Variants in SLC25A48 observed in about 807,000 individuals in gnomAD.
SLC25A48 encodes solute carrier family 25 member 48, also known as CTC-321K16.1.
In SLC25A48, 29 loss-of-function variants were observed where a neutral mutation model predicts 32.2. The observed-to-expected ratio is 0.90, with a 90% CI of 0.67 to 1.23. SLC25A48 has a LOEUF of 1.23. Ranked by LOEUF, SLC25A48 falls within the 50% of genes most tolerant of loss-of-function variation. The pLI is 0.00. For synonymous variants in SLC25A48, 164 were observed against 172.3 expected, an observed-to-expected ratio of 0.95 and a Z score of 0.38; for missense variants, 399 against 422.7, an observed-to-expected ratio of 0.94 and a Z score of 0.49.
intron 4 of SLC25A48, chr5:135,827,074 A>C (rs9986164): frequency 0.76 from 115,142 of 152,148 alleles, 44,001 homozygotes; most frequent in Middle Eastern, 0.86. Flanking sequence ...TCACCTGGTG[A>C]GTGGCTGAAT....
intron 4 of SLC25A48, among the ~76,000 whole-genome samples, chr5:135,862,067 G>A (rs1292593047): frequency 6.6e-6 from 1 of 152,148 alleles, no homozygotes; most frequent in Admixed American, 6.5e-5. Flanking sequence ...CTTTGCATGG[G>A]CATGAGCCTA....
At chr5:135,716,940 TACA>T (rs1383686044) in intron 3 of SLC25A48, among the ~76,000 whole-genome samples, 2 of 152,226 alleles carry the variant, frequency 1.3e-5, no homozygotes, top group Non-Finnish European at 2.9e-5. Context: ...AAAATTTTAA[TACA>T]ACAACAACAT....
At chr5:135,842,699 C>A (rs1439205381) in intron 2 of SLC25A48, among the ~76,000 whole-genome samples, 1 of 152,196 alleles carries the variant, frequency 6.6e-6, no homozygotes, top group Admixed American at 6.5e-5. Context: ...TGATGATGCA[C>A]ATGGGTGTGA....
intron 4 of SLC25A48, chr5:135,822,177 T>G (rs1211585839): frequency 6.6e-6 from 1 of 152,258 alleles, no homozygotes; most frequent in African/African-American, 2.4e-5. Flanking sequence ...AGAGTGAACC[T>G]TGGCCATGGC....
chr5:135,598,189 T>A (rs566697189), intron 1 of SLC25A48, among the ~76,000 whole-genome samples: 1 of 152,332 alleles, frequency 6.6e-6, no homozygotes, highest in Non-Finnish European at 1.5e-5. Flanking sequence ...TGTAGTTATG[T>A]TGGCTTTCCT....
At chr5:135,702,657 C>T (rs141432531) in intron 3 of SLC25A48, among the ~76,000 whole-genome samples, 35 of 152,380 alleles carry the variant, frequency 2.3e-4, no homozygotes, top group African/African-American at 8.2e-4. Flanking sequence ...GAGTCTGGAC[C>T]ATACCTGGTG....
At chr5:135,729,285 A>C (rs376675791) in intron 3 of SLC25A48, among the ~76,000 whole-genome samples, 14 of 152,184 alleles carry the variant, frequency 9.2e-5, no homozygotes, top group Admixed American at 9.2e-4. Context: ...AAGCTTGTTA[A>C]AATTCTTGAA....
rs553224515 is a variant in SLC25A48 at position 135,818,983 on chromosome 5, A to G, written c.-117+6057A>G. ...GTAGCAGAATGGTGATGTCAAGAGG[A>G]AAGAGTCTGTGAGCTTAAAGATAGA... On this transcript the variant is annotated intron_variant, in intron 4 of 10. Transcript: ENST00000646290. Among the ~76,000 whole-genome samples the G allele has an allele frequency of 6.6e-5, 10 of 152,292 alleles. No individual in the cohort carries two copies. In the East Asian group the frequency reaches 1.9e-3, roughly 29 times the overall value.
At chr5:135,837,957 G>T (rs756688690) in intron 1 of SLC25A48, among the ~76,000 whole-genome samples, 1 of 152,214 alleles carries the variant, frequency 6.6e-6, no homozygotes, top group Non-Finnish European at 1.5e-5. Flanking sequence ...ACAGGCAGAT[G>T]TTGGAACAGT....
intron 4 of SLC25A48, among the ~76,000 whole-genome samples, chr5:135,863,967 G>A (rs907399720): frequency 1.7e-4 from 26 of 152,320 alleles, no homozygotes; most frequent in South Asian, 4.1e-4. Flanking sequence ...CAAGTGGGAG[G>A]AAGTTGAGGG....
intron 3 of SLC25A48, among the ~76,000 whole-genome samples, chr5:135,750,973 G>T (rs1375702881): frequency 1.3e-5 from 2 of 152,202 alleles, no homozygotes; most frequent in Non-Finnish European, 2.9e-5. Flanking sequence ...GAACTGAGCT[G>T]AGCCACCTCA....
At chr5:135,589,861 AT>A (rs1751469367) in intron 1 of SLC25A48, among the ~76,000 whole-genome samples, 2 of 151,838 alleles carry the variant, frequency 1.3e-5, no homozygotes. Flanking sequence ...TACCCAGGTA[AT>A]TTTTTGTATT....
intron 3 of SLC25A48, among the ~76,000 whole-genome samples, chr5:135,811,466 C>T (rs1757589751): frequency 6.6e-6 from 1 of 152,094 alleles, no homozygotes; most frequent in African/African-American, 2.4e-5. Context: ...TTCAGTTCGT[C>T]AGGAGGAATA....
At chr5:135,801,293 A>G (rs1757318239) in intron 3 of SLC25A48, among the ~76,000 whole-genome samples, 2 of 151,122 alleles carry the variant, frequency 1.3e-5, no homozygotes, top group African/African-American at 4.9e-5. Context: ...ATTACTTCCA[A>G]TATCGCAGGG....
chr5:135,603,570 G>A (rs1373906855), intron 1 of SLC25A48, among the ~76,000 whole-genome samples: 1 of 152,162 alleles, frequency 6.6e-6, no homozygotes, highest in South Asian at 2.1e-4. Context: ...GGTGGTGGGG[G>A]GGTGCGAGCC....
chr5:135,592,649 G>A (rs2126877406), intron 1 of SLC25A48, among the ~76,000 whole-genome samples: 1 of 152,248 alleles, frequency 6.6e-6, no homozygotes, highest in Admixed American at 6.5e-5. Context: ...GAGCGTGTGT[G>A]TATGTGTGTG....
At chr5:135,740,303 C>T (rs775141627) in intron 3 of SLC25A48, among the ~76,000 whole-genome samples, 2 of 152,066 alleles carry the variant, frequency 1.3e-5, no homozygotes, top group African/African-American at 4.8e-5. Context: ...AAGGGATTCT[C>T]ATGCCTCAGC....
chr5:135,625,727 CAGGGGGAAG>C (rs1752427567), intron 1 of SLC25A48, among the ~76,000 whole-genome samples: 1 of 152,066 alleles, frequency 6.6e-6, no homozygotes, highest in Non-Finnish European at 1.5e-5. Context: ...CCAGGTAGAA[CAGGGGGAAG>C]AAGGTCATTG....
intron 3 of SLC25A48, among the ~76,000 whole-genome samples, chr5:135,697,864 C>A (rs1184873099): frequency 2.0e-5 from 3 of 152,158 alleles, no homozygotes; most frequent in Non-Finnish European, 4.4e-5. Context: ...GGGCTGCAGG[C>A]ATTTGTTCCC....
Sources: gnomAD v4.1 joint callset for allele counts (sites outside exome capture counted in the v4.1 genomes callset) on GRCh38, gnomAD v4.1.1 for gene constraint, MANE v1.5 for transcripts, NCBI Gene and HGNC (gene_info 2026-07-23, HGNC 2026-07-21) for gene names.